OPCML: variants seen among roughly 807,000 people sequenced by gnomAD.
The protein encoded by OPCML is opioid-binding protein/cell adhesion molecule.
A neutral mutation model predicts 37.8 loss-of-function variants in OPCML; 13 were observed. The observed-to-expected ratio is 0.34, with a 90% CI of 0.22 to 0.55. OPCML has a LOEUF of 0.55. OPCML is among the 20% of genes least tolerant of loss of function. The pLI is 0.91. For missense variants in OPCML, 341 were observed against 435.6 expected, an observed-to-expected ratio of 0.78 and a Z score of 1.93; for synonymous variants, 176 against 168.8, an observed-to-expected ratio of 1.04 and a Z score of -0.33.
intron 1 of OPCML, chr11:133,067,016 CTAGAGGTAAAACCACTATAAAAATAAAA>C: frequency 6.6e-6 from 1 of 152,244 alleles, no homozygotes; most frequent in South Asian, 2.1e-4. Context: ...TGAAAGTTAT[CTAGAGGTAAAACCACTATAAAAATAAAA>C]TAGAAAAGTA....
chr11:133,018,568 A>C (rs1325010183), intron 1 of OPCML, among the ~76,000 whole-genome samples: 1 of 152,148 alleles, frequency 6.6e-6, no homozygotes, highest in Non-Finnish European at 1.5e-5. Context: ...CCAGATGGCC[A>C]ATGAGATGGG....
chr11:133,389,708 C>T (rs992880879), intron 1 of OPCML, among the ~76,000 whole-genome samples: 1 of 152,146 alleles, frequency 6.6e-6, no homozygotes, highest in Non-Finnish European at 1.5e-5. Context: ...TCTTCTCATT[C>T]CAGATACTGT....
At chr11:132,729,809 G>A (rs1025620040) in intron 2 of OPCML, among the ~76,000 whole-genome samples, 3 of 152,072 alleles carry the variant, frequency 2.0e-5, no homozygotes, top group African/African-American at 7.2e-5. Flanking sequence ...GGAGACACAG[G>A]AAGGAAGAAG....
chr11:133,526,470 G>A (rs1948493825), intron 1 of OPCML, among the ~76,000 whole-genome samples: 1 of 152,190 alleles, frequency 6.6e-6, no homozygotes. Flanking sequence ...TTGGCAAGGG[G>A]GTGGTGAAGA....
Position 132,502,304 on chromosome 11 carries a change from C to CT in OPCML, c.505+26756dup, listed in dbSNP as rs1462246694. 2.6e-5 allele frequency among the ~76,000 whole-genome samples: 4 copies of CT among 152,114 alleles called. No homozygotes were observed. In the East Asian group the frequency reaches 5.8e-4, roughly 22 times the overall value. On this transcript the variant is annotated intron_variant, in intron 4 of 7. Coordinates refer to ENST00000524381, the MANE Select transcript of OPCML (RefSeq NM_001012393.5). Reference sequence around the variant, plus strand: ...TCCTTCCCTTCCATTTTTACTTTCTCTTTTTTCTGGTACTTTTTATTTATT... The same window carrying CT: ...TCCTTCCCTTCCATTTTTACTTTCTCTTTTTTTCTGGTACTTTTTATTTATT...
At chr11:132,692,834 G>T (rs765771737) in intron 2 of OPCML, among the ~76,000 whole-genome samples, 3 of 152,146 alleles carry the variant, frequency 2.0e-5, no homozygotes, top group African/African-American at 7.2e-5. Flanking sequence ...AATGTCCATT[G>T]GTCCTTGTAT....
At chr11:133,150,701 A>C (rs1949967660) in intron 1 of OPCML, among the ~76,000 whole-genome samples, 1 of 152,028 alleles carries the variant, frequency 6.6e-6, no homozygotes, top group African/African-American at 2.4e-5. Flanking sequence ...CATCTTACAA[A>C]ATCTTCCTCC....
At chr11:133,530,545 G>GC (rs1948584423) in intron 1 of OPCML, among the ~76,000 whole-genome samples, 1 of 152,208 alleles carries the variant, frequency 6.6e-6, no homozygotes, top group Non-Finnish European at 1.5e-5. Context: ...CGGACCCAGT[G>GC]CACCCACCTA....
intron 2 of OPCML, chr11:132,860,028 C>G (rs190184542): frequency 6.6e-6 from 1 of 152,176 alleles, no homozygotes; most frequent in Non-Finnish European, 1.5e-5. Flanking sequence ...AAGGCTGACA[C>G]ACTAGGCCAT....
intron 3 of OPCML, among the ~76,000 whole-genome samples, chr11:132,569,503 T>C (rs1348060948): frequency 2.6e-5 from 4 of 152,036 alleles, no homozygotes; most frequent in East Asian, 3.9e-4. Flanking sequence ...AAGAAAGATA[T>C]AGAGAAAATG....
intron 3 of OPCML, among the ~76,000 whole-genome samples, chr11:132,594,072 C>T (rs1243460143): frequency 1.3e-5 from 2 of 152,196 alleles, no homozygotes; most frequent in Non-Finnish European, 2.9e-5. Flanking sequence ...TGTGCCCCCT[C>T]CTGTCTGTGT....
At chr11:133,332,284 T>C (rs1305991612) in intron 1 of OPCML, among the ~76,000 whole-genome samples, 1 of 152,206 alleles carries the variant, frequency 6.6e-6, no homozygotes, top group Non-Finnish European at 1.5e-5. Flanking sequence ...TGATTTTGTA[T>C]CCTGCAACTT....
intron 1 of OPCML, among the ~76,000 whole-genome samples, chr11:133,252,247 G>T (rs577879917): frequency 1.3e-3 from 194 of 152,126 alleles, no homozygotes; most frequent in Non-Finnish European, 2.4e-3. Context: ...AGACAAGTTA[G>T]ACCAGAAATA....
At position 132,419,549 on chromosome 11, in the gene OPCML, C is replaced by G. The variant is rs1174277156; in HGVS notation, c.*644G>C. 6.6e-6 allele frequency: 1 copy of G among 152,116 alleles called. No homozygotes were observed. The highest frequency in any genetic ancestry group is 1.5e-5 in the Non-Finnish European group (1 of 68,040). The allele number at this position is 152,116 out of a possible 1,614,324, so 9.4% of individuals were successfully genotyped here. On this transcript the variant is annotated 3_prime_UTR_variant, in exon 8 of 8. Transcript: ENST00000524381. ...GGGTTTCATGCATAGCCCCAAACTT[C>G]AAATCTCTGCAGATGGTGGAAGGAA...
chr11:133,439,255 C>A (rs1489155836), intron 1 of OPCML: 2 of 980,138 alleles, frequency 2.0e-6, no homozygotes, highest in African/African-American at 3.5e-5. Flanking sequence ...TGAGTTGAAG[C>A]ACTGGACTCC....
intron 1 of OPCML, among the ~76,000 whole-genome samples, chr11:133,110,425 G>A (rs1949231832): frequency 6.6e-6 from 1 of 152,148 alleles, no homozygotes; most frequent in Non-Finnish European, 1.5e-5. Context: ...GAACTTGCTT[G>A]TTGTTGTGTG....
chr11:132,885,873 A>T (rs1407451752), intron 2 of OPCML, among the ~76,000 whole-genome samples: 1 of 152,170 alleles, frequency 6.6e-6, no homozygotes, highest in Non-Finnish European at 1.5e-5. Flanking sequence ...TATCCAGTTA[A>T]CCACTTCATC....
chr11:133,227,028 C>A lies in OPCML; in HGVS notation c.62-284018G>T, dbSNP rs74960486. 1.0e-2 allele frequency among the ~76,000 whole-genome samples: 1,516 copies of A among 152,300 alleles called. 23 individuals are homozygous for A. The highest frequency in any genetic ancestry group is 0.035 in the African/African-American group (1,469 of 41,570). ...TGCATCTGAGGAAAAGAATTTGCCT[C>A]GGCTGATGTGCCGGTGTCAGCTCGA... On this transcript the variant is annotated intron_variant, in intron 1 of 7. Transcript: ENST00000524381.
intron 3 of OPCML, among the ~76,000 whole-genome samples, chr11:132,613,942 C>T (rs1468403257): frequency 6.6e-6 from 1 of 152,080 alleles, no homozygotes; most frequent in Admixed American, 6.5e-5. Context: ...TATTTTTAGA[C>T]ATGAAGTATG....
Sources: gnomAD v4.1 joint callset for allele counts (sites outside exome capture counted in the v4.1 genomes callset) on GRCh38, gnomAD v4.1.1 for gene constraint, MANE v1.5 for transcripts, NCBI Gene and HGNC (gene_info 2026-07-23, HGNC 2026-07-21) for gene names.